Variants in ANGPTL2 observed in about 807,000 individuals in gnomAD.
ANGPTL2 encodes angiopoietin like 2, also known as angiopoietin-related protein 2.
A neutral mutation model predicts 52.8 loss-of-function variants in ANGPTL2; 25 were observed. The observed-to-expected ratio is 0.47, with a 90% CI of 0.35 to 0.66. ANGPTL2 has a LOEUF of 0.66. Among genes scored for constraint, ANGPTL2 ranks in the 30% least tolerant of loss-of-function variants. The pLI, the probability that ANGPTL2 is intolerant of heterozygous loss-of-function variation, is 0.01. For synonymous variants in ANGPTL2, 276 were observed against 277.4 expected (o/e 1.00, Z 0.05); for missense variants, 546 against 656.9 (o/e 0.83, Z 1.84).
intron 2 of ANGPTL2, among the ~76,000 whole-genome samples, chr9:127,096,318 G>C (rs1292073285): frequency 6.6e-6 from 1 of 152,210 alleles, no homozygotes; most frequent in Non-Finnish European, 1.5e-5. Context: ...GGGCGTGGGA[G>C]GCCTCCCAGC....
intron 2 of ANGPTL2, among the ~76,000 whole-genome samples, chr9:127,102,678 A>G (rs2053852017): frequency 6.6e-6 from 1 of 152,268 alleles, no homozygotes. Flanking sequence ...CAGTTCCCCA[A>G]GGTACCAGAA....
chr9:127,107,770 C>G (rs2054361180), intron 2 of ANGPTL2, 145 bp downstream of exon 2: 1 of 782,696 alleles, frequency 1.3e-6, no homozygotes, highest in Admixed American at 3.4e-5. Context: ...TCCAGCAGCT[C>G]AGCCCAAGGG....
chr9:127,110,438 A>C (rs1001488134), intron 1 of ANGPTL2, among the ~76,000 whole-genome samples: 1 of 152,136 alleles, frequency 6.6e-6, no homozygotes, highest in African/African-American at 2.4e-5. Flanking sequence ...GGGGACCCAA[A>C]ACTCAGTCCT....
chr9:127,100,711 C>T (rs2053635702), intron 2 of ANGPTL2, among the ~76,000 whole-genome samples: 1 of 152,102 alleles, frequency 6.6e-6, no homozygotes, highest in South Asian at 2.1e-4. Flanking sequence ...GTCCTGCAGG[C>T]ACATCATGGA....
chr9:127,092,436 G>A (rs2052597903), intron 3 of ANGPTL2, among the ~76,000 whole-genome samples: 1 of 151,994 alleles, frequency 6.6e-6, no homozygotes, highest in South Asian at 2.1e-4. Context: ...CTAAAACCCA[G>A]TGGTTTTGTG....
chr9:127,092,081 C>T (rs2052552972), intron 3 of ANGPTL2, 141 bp from the exon 4 acceptor site: 8 of 992,766 alleles, frequency 8.1e-6, no homozygotes, highest in Non-Finnish European at 1.2e-5. Flanking sequence ...GACCCCTACT[C>T]CACCTCTTAA....
intron 2 of ANGPTL2, among the ~76,000 whole-genome samples, chr9:127,101,718 G>A (rs867736380): frequency 1.3e-5 from 2 of 152,202 alleles, no homozygotes; most frequent in Non-Finnish European, 2.9e-5. Flanking sequence ...TTATGTCTGG[G>A]ATGGTGCCAG....
chr9:127,096,016 C>G (rs886282548), intron 2 of ANGPTL2, among the ~76,000 whole-genome samples: 1 of 152,166 alleles, frequency 6.6e-6, no homozygotes, highest in East Asian at 1.9e-4. Flanking sequence ...GAGGAAGGAT[C>G]TTCTCACCCA....
At chr9:127,121,022 G>A (rs1042240654) in intron 1 of ANGPTL2, among the ~76,000 whole-genome samples, 1 of 151,736 alleles carries the variant, frequency 6.6e-6, no homozygotes, top group Non-Finnish European at 1.5e-5. Flanking sequence ...GAGTGGCTCC[G>A]GAGCCACACC....
intron 2 of ANGPTL2, among the ~76,000 whole-genome samples, chr9:127,100,574 G>A (rs755127699): frequency 6.6e-6 from 1 of 152,204 alleles, no homozygotes; most frequent in Non-Finnish European, 1.5e-5. Flanking sequence ...CTCCCTGGGG[G>A]CAGTGGCCAG....
intron 1 of ANGPTL2, among the ~76,000 whole-genome samples, chr9:127,117,041 A>T (rs1001067147): frequency 1.3e-4 from 20 of 152,154 alleles, no homozygotes; most frequent in African/African-American, 4.8e-4. Context: ...CCCACATCTG[A>T]TCATGTCAGC....
chr9:127,089,469 C>G (rs1028410612), intron 4 of ANGPTL2, among the ~76,000 whole-genome samples: 1 of 152,148 alleles, frequency 6.6e-6, no homozygotes, highest in Non-Finnish European at 1.5e-5. Context: ...ACACCTAGCC[C>G]AGGGCTGGGT....
At chr9:127,103,171 T>C (rs2053899337) in intron 2 of ANGPTL2, among the ~76,000 whole-genome samples, 1 of 152,258 alleles carries the variant, frequency 6.6e-6, no homozygotes, top group Admixed American at 6.5e-5. Flanking sequence ...TTCTCTGTTT[T>C]AAAACATACC....
In ANGPTL2 at chr9:127,111,210, G is replaced by A. The variant is rs901331124; in HGVS notation, c.-49-2430C>T. ...CTTGCTGGTCCCTGCCCCCTTCTTC[G>A]TTGTTTGTTCCCTTACCTCTTTCAA... On this transcript the variant is annotated intron_variant, in intron 1 of 4. Coordinates refer to ENST00000373425, the MANE Select transcript of ANGPTL2 (RefSeq NM_012098.3). 5.9e-5 allele frequency among the ~76,000 whole-genome samples: 9 copies of A among 152,084 alleles called. No individual in the cohort carries two copies. The East Asian group carries it at 1.5e-3, about 26-fold the overall frequency.
intron 1 of ANGPTL2, among the ~76,000 whole-genome samples, chr9:127,118,578 G>A (rs993183590): frequency 6.6e-6 from 1 of 152,216 alleles, no homozygotes; most frequent in African/African-American, 2.4e-5. Flanking sequence ...CCGTGGGAGA[G>A]GTGCTGCACC....
At chr9:127,101,425 T>G (rs986931410) in intron 2 of ANGPTL2, among the ~76,000 whole-genome samples, 1 of 152,210 alleles carries the variant, frequency 6.6e-6, no homozygotes. Context: ...CAGGAACCCT[T>G]GCAGGCTCAC....
chr9:127,121,620 A>C (rs1455525110), intron 1 of ANGPTL2, among the ~76,000 whole-genome samples: 3 of 152,232 alleles, frequency 2.0e-5, no homozygotes, highest in Non-Finnish European at 4.4e-5. Flanking sequence ...GCGACTTGGT[A>C]TGTGGAGCCC....
At chr9:127,093,471 TG>T (rs1249312850) in intron 3 of ANGPTL2, among the ~76,000 whole-genome samples, 1 of 152,172 alleles carries the variant, frequency 6.6e-6, no homozygotes, top group Non-Finnish European at 1.5e-5. Flanking sequence ...GGGGCTGTGG[TG>T]GTCTGGTCTA....
chr9:127,115,175 T>TA (rs1205696698), intron 1 of ANGPTL2, among the ~76,000 whole-genome samples: 2 of 151,886 alleles, frequency 1.3e-5, no homozygotes, highest in Non-Finnish European at 2.9e-5. Context: ...TCTGTTGTCT[T>TA]ACGTAATTAT....
Sources: gnomAD v4.1 joint callset for allele counts (sites outside exome capture counted in the v4.1 genomes callset) on GRCh38, gnomAD v4.1.1 for gene constraint, MANE v1.5 for transcripts, NCBI Gene and HGNC (gene_info 2026-07-23, HGNC 2026-07-21) for gene names.